CAPG: variants seen among roughly 807,000 people sequenced by gnomAD.
CAPG encodes the protein capping actin protein, gelsolin like.
A neutral mutation model predicts 44.6 loss-of-function variants in CAPG; 32 were observed. The observed-to-expected ratio is 0.72, with a 90% CI of 0.54 to 0.96. CAPG has a LOEUF of 0.96. Ranked by LOEUF, CAPG falls within the 50% of genes least tolerant of loss-of-function variation. The pLI is 0.00. For missense variants in CAPG, 412 were observed against 438.3 expected, an observed-to-expected ratio of 0.94 and a Z score of 0.54; for synonymous variants, 175 against 179.6, an observed-to-expected ratio of 0.97 and a Z score of 0.20.
upstream of CAPG, among the ~76,000 whole-genome samples, chr2:85,419,533 TG>T (rs1222761138): frequency 6.6e-6 from 1 of 152,236 alleles, no homozygotes; most frequent in Non-Finnish European, 1.5e-5. Context: ...TCTTCTCAGC[TG>T]ATTTCTGGCT....
chr2:85,409,355 C>T (rs1417364242), intron 1 of CAPG, among the ~76,000 whole-genome samples: 1 of 152,156 alleles, frequency 6.6e-6, no homozygotes, highest in African/African-American at 2.4e-5. Context: ...TCCCATGGTC[C>T]TGACTTAGGC....
At chr2:85,418,458 C>G (rs886585275), upstream of CAPG, 1 of 152,300 alleles carries the variant, frequency 6.6e-6, no homozygotes, top group African/African-American at 2.4e-5. Flanking sequence ...CAGCCTGGGC[C>G]CTAGACCCCT....
At chr2:85,402,267 T>C (rs992558414) in intron 1 of CAPG, 109 bp from the exon 2 acceptor site, 12 of 790,964 alleles carry the variant, frequency 1.5e-5, no homozygotes, top group Non-Finnish European at 2.6e-5. Context: ...ATTCATCAAC[T>C]ACTCCACCTC....
chr2:85,414,893 A>C (rs1187164037), upstream of CAPG, among the ~76,000 whole-genome samples: 1 of 152,216 alleles, frequency 6.6e-6, no homozygotes, highest in East Asian at 1.9e-4. Context: ...TTGGCTCCTG[A>C]ATGTGGCATA....
intron 6 of CAPG, 104 bp from the exon 7 acceptor site, chr2:85,398,886 G>A (rs757533166): frequency 8.0e-5 from 73 of 912,734 alleles, no homozygotes; most frequent in Non-Finnish European, 1.0e-4. Context: ...ACTGCGCCCT[G>A]CACTAGGGCA....
At chr2:85,402,196 C>A (rs752055206) in intron 1 of CAPG, 38 bp from the exon 2 acceptor site, 9 of 1,546,852 alleles carry the variant, frequency 5.8e-6, no homozygotes, top group Non-Finnish European at 7.9e-6. Flanking sequence ...TTACAAATGC[C>A]ACAAAAAGGA....
chr2:85,403,757 C>T (rs1006877187), intron 1 of CAPG, among the ~76,000 whole-genome samples: 6 of 151,610 alleles, frequency 4.0e-5, no homozygotes, highest in African/African-American at 9.7e-5. Flanking sequence ...TGTGGTGGCA[C>T]GTGCCTATAG....
At chr2:85,410,814 C>G (rs1360103595), upstream of CAPG, among the ~76,000 whole-genome samples, 1 of 152,060 alleles carries the variant, frequency 6.6e-6, no homozygotes, top group Non-Finnish European at 1.5e-5. Flanking sequence ...TTCTCCTTGC[C>G]CTGAATGCAA....
At chr2:85,406,259 A>AAAAAGAAAAG (rs1558736321) in intron 1 of CAPG, among the ~76,000 whole-genome samples, 9 of 151,382 alleles carry the variant, frequency 5.9e-5, no homozygotes, top group Non-Finnish European at 5.9e-5. Flanking sequence ...TTCAAAAAAA[A>AAAAAGAAAAG]AAAAAGAAAA....
intron 8 of CAPG, among the ~76,000 whole-genome samples, chr2:85,396,939 G>A (rs1468065876): frequency 1.3e-5 from 2 of 152,108 alleles, no homozygotes; most frequent in Non-Finnish European, 2.9e-5. Context: ...ACTGGGTGTT[G>A]AGCAAATGCT....
intron 1 of CAPG, among the ~76,000 whole-genome samples, chr2:85,417,487 T>C (rs1394846949): frequency 6.8e-6 from 1 of 146,788 alleles, no homozygotes; most frequent in Non-Finnish European, 1.5e-5. Context: ...CTTTTTTTTT[T>C]TTTTTTTTTT....
Position 85,401,263 on chromosome 2 carries a change from A to G in CAPG, c.418T>C (p.Tyr140His). 1.2e-6 allele frequency: 2 copies of G among 1,613,998 alleles called. No individual in the cohort carries two copies. The highest frequency in any genetic ancestry group is 1.7e-6 in the Non-Finnish European group (2 of 1,179,920). The change falls in exon 5 of 10, where the codon TAC becomes CAC. Residue 140 changes from tyrosine (Y) to histidine (H), a missense_variant. Coordinates refer to ENST00000263867, the MANE Select transcript of CAPG (RefSeq NM_001747.4). ...ATGTTCTTCTTCCCCTTCACCTGGTAGAGTTTCTTGATGGCAGCTGGGGCT... is the reference window on the plus strand; with the variant it reads ...ATGTTCTTCTTCCCCTTCACCTGGTGGAGTTTCTTGATGGCAGCTGGGGCT... ...TGAPAAIKKLYQVKGKKNIRA... is the reference protein window; with the variant it reads ...TGAPAAIKKLHQVKGKKNIRA...
intron 1 of CAPG, among the ~76,000 whole-genome samples, chr2:85,402,684 T>C (rs191934975): frequency 8.8e-4 from 134 of 152,254 alleles, no homozygotes; most frequent in Middle Eastern, 3.4e-3. Context: ...CAGGCTGGTG[T>C]TGAACTCCTA....
chr2:85,404,744 T>C (rs1687068415), intron 1 of CAPG, among the ~76,000 whole-genome samples: 1 of 151,556 alleles, frequency 6.6e-6, no homozygotes, highest in Non-Finnish European at 1.5e-5. Context: ...CAAGACTCTG[T>C]CTCAAAAAAA....
chr2:85,398,852 G>A, intron 6 of CAPG, 70 bp from the exon 7 acceptor site: 2 of 1,233,326 alleles, frequency 1.6e-6, no homozygotes, highest in Non-Finnish European at 2.3e-6. Flanking sequence ...ATCATGCCCA[G>A]GGCCACTGCT....
At chr2:85,406,845 C>A (rs1026169142) in intron 1 of CAPG, among the ~76,000 whole-genome samples, 25 of 150,540 alleles carry the variant, frequency 1.7e-4, no homozygotes, top group African/African-American at 6.1e-4. Context: ...GCAACAAGAG[C>A]GAAACTCCGT....
At chr2:85,407,017 G>A (rs115117904) in intron 1 of CAPG, among the ~76,000 whole-genome samples, 2,685 of 150,160 alleles carry the variant, frequency 0.018, 37 homozygotes, top group Non-Finnish European at 0.026. Flanking sequence ...TGCAACCTCT[G>A]CCTCCTGAGT....
intron 5 of CAPG, 104 bp from the exon 6 acceptor site, chr2:85,399,389 C>G (rs1686771889): frequency 1.6e-6 from 2 of 1,278,606 alleles, no homozygotes; most frequent in East Asian, 5.1e-5. Flanking sequence ...CTGAACTGTC[C>G]CTGAGGCAGG....
chr2:85,401,117 T>C, intron 5 of CAPG, 48 bp downstream of exon 5: 3 of 1,571,046 alleles, frequency 1.9e-6, no homozygotes, highest in Admixed American at 1.8e-5. Flanking sequence ...TCCGTCCTTA[T>C]AAAGGATGGT....
Sources: allele counts gnomAD v4.1 joint callset (sites outside exome capture counted in the v4.1 genomes callset), GRCh38; gene constraint gnomAD v4.1.1; transcripts MANE v1.5; gene names NCBI Gene and HGNC (gene_info 2026-07-23, HGNC 2026-07-21).